MCTP2: variants seen among roughly 807,000 people sequenced by gnomAD.
The protein encoded by MCTP2 is multiple C2 and transmembrane domain containing 2.
A neutral mutation model predicts 111.6 loss-of-function variants in MCTP2; 132 were observed. The observed-to-expected ratio is 1.18, with a 90% CI of 1.03 to 1.37. The LOEUF (loss-of-function observed/expected upper bound fraction) is 1.37. Ranked by LOEUF, MCTP2 falls within the 40% of genes most tolerant of loss-of-function variation. The pLI, the probability that MCTP2 is intolerant of heterozygous loss-of-function variation, is 0.00. For synonymous variants in MCTP2, 395 were observed against 387.7 expected, an observed-to-expected ratio of 1.02 and a Z score of -0.22; for missense variants, 1,183 against 1,067.9, an observed-to-expected ratio of 1.11 and a Z score of -1.50.
intron 4 of MCTP2, among the ~76,000 whole-genome samples, chr15:94,319,725 G>A (rs928138851): frequency 6.6e-6 from 1 of 152,068 alleles, no homozygotes; most frequent in Admixed American, 6.5e-5. Flanking sequence ...TTACCTGTTT[G>A]CTGTCTGTCA....
rs771940417 is a variant in MCTP2 at position 94,434,966 on chromosome 15, C to T, written c.2086-5210C>T. Among the ~76,000 whole-genome samples the T allele has an allele frequency of 3.3e-5, 5 of 151,576 alleles. No homozygotes were observed. The South Asian group carries it at 6.2e-4, about 19-fold the overall frequency. On this transcript the variant is annotated intron_variant, in intron 17 of 22. Transcript: ENST00000357742. Reference sequence around the variant, plus strand: ...GCAACCTCCGCTCCTCGGGTTCAAGCGATTCTCCTGCCTTAGCCTCCCGAG... The same window carrying T: ...GCAACCTCCGCTCCTCGGGTTCAAGTGATTCTCCTGCCTTAGCCTCCCGAG...
At chr15:94,354,677 A>G (rs573938624) in intron 8 of MCTP2, among the ~76,000 whole-genome samples, 1 of 152,258 alleles carries the variant, frequency 6.6e-6, no homozygotes, top group African/African-American at 2.4e-5. Flanking sequence ...GTTTGGGAAT[A>G]TGTGTTTTCT....
At chr15:94,244,279 TATACACATAC>T (rs1344726391) in intron 1 of MCTP2, among the ~76,000 whole-genome samples, 1 of 148,540 alleles carries the variant, frequency 6.7e-6, no homozygotes, top group Non-Finnish European at 1.5e-5. Flanking sequence ...TACACACATA[TATACACATAC>T]ATATGTGTAT....
At chr15:94,303,107 A>AG (rs2075714352) in intron 2 of MCTP2, among the ~76,000 whole-genome samples, 7 of 132,216 alleles carry the variant, frequency 5.3e-5, no homozygotes, top group African/African-American at 2.1e-4. Context: ...TAGTTTATAT[A>AG]TATATATAGT....
rs139198979 is a variant in MCTP2, at chr15:94,388,009, T to C, written c.1788+2484T>C. 5.3e-3 allele frequency among the ~76,000 whole-genome samples: 814 copies of C among 152,208 alleles called. 11 individuals carry two copies. Among genetic ancestry groups the C allele is most frequent in the African/African-American group, 0.019 (779 of 41,530 alleles). ...AGTATAGATTGATCAAGTGTGCCTG[T>C]GGCGAACAGGAAAGGACACAGAGGT... On this transcript the variant is annotated intron_variant, in intron 14 of 22. Transcript: ENST00000357742.
chr15:94,426,489 G>A (rs1286083557), intron 17 of MCTP2, among the ~76,000 whole-genome samples: 1 of 151,838 alleles, frequency 6.6e-6, no homozygotes, highest in Non-Finnish European at 1.5e-5. Context: ...TGCTTGATCT[G>A]TTCCACTGTT....
chr15:94,361,084 G>GC (rs2078909180), intron 10 of MCTP2, among the ~76,000 whole-genome samples: 1 of 8,400 alleles, frequency 1.2e-4, no homozygotes, highest in Non-Finnish European at 2.6e-4. Flanking sequence ...AATATTTCAA[G>GC]TTTTTTTTTT....
intron 3 of MCTP2, chr15:94,314,947 A>C (rs773237509): frequency 2.8e-6 from 1 of 354,980 alleles, no homozygotes; most frequent in Non-Finnish European, 5.5e-6. Context: ...CCGGGAGAGC[A>C]CTGGACAGAG....
intron 19 of MCTP2, 80 bp downstream of exon 19, chr15:94,443,040 C>A: frequency 8.1e-6 from 8 of 991,038 alleles, no homozygotes; most frequent in South Asian, 1.8e-5. Flanking sequence ...TTGAGTCTCT[C>A]TCCTCTCTTT....
intron 20 of MCTP2, among the ~76,000 whole-genome samples, chr15:94,467,341 T>G (rs1265955057): frequency 2.0e-5 from 3 of 152,058 alleles, no homozygotes; most frequent in Non-Finnish European, 2.9e-5. Flanking sequence ...GTCTCCACTT[T>G]AAAAAAAATT....
intron 12 of MCTP2, among the ~76,000 whole-genome samples, chr15:94,380,716 C>A: frequency 6.7e-6 from 1 of 150,352 alleles, no homozygotes; most frequent in East Asian, 2.0e-4. Flanking sequence ...TGCAGTGAAC[C>A]AAAATCACAC....
intron 12 of MCTP2, among the ~76,000 whole-genome samples, chr15:94,370,893 A>G (rs1236862514): frequency 6.6e-6 from 1 of 152,210 alleles, no homozygotes; most frequent in Non-Finnish European, 1.5e-5. Context: ...AGAGTATTCT[A>G]CAGCATGGTT....
At chr15:94,438,308 A>AT (rs1164905328) in intron 17 of MCTP2, among the ~76,000 whole-genome samples, 1 of 152,116 alleles carries the variant, frequency 6.6e-6, no homozygotes, top group Non-Finnish European at 1.5e-5. Context: ...GAACATTTTT[A>AT]TTTTGTTATT....
intron 1 of MCTP2, among the ~76,000 whole-genome samples, chr15:94,245,190 A>ATATG (rs1354142392): frequency 6.9e-6 from 1 of 144,508 alleles, no homozygotes; most frequent in Non-Finnish European, 1.5e-5. Flanking sequence ...TTATACACAC[A>ATATG]TATGTATGTA....
chr15:94,343,958 G>A (rs555406323), intron 7 of MCTP2: 14 of 151,716 alleles, frequency 9.2e-5, no homozygotes, highest in South Asian at 2.1e-4. Flanking sequence ...TATCAAATGC[G>A]TTCCTATGTG....
intron 18 of MCTP2, among the ~76,000 whole-genome samples, chr15:94,442,318 C>T (rs2083828194): frequency 6.6e-6 from 1 of 152,230 alleles, no homozygotes; most frequent in Non-Finnish European, 1.5e-5. Flanking sequence ...GTTAGCAGTA[C>T]AGCTGGTGCT....
chr15:94,472,858 A>G (rs1378377707), intron 21 of MCTP2, among the ~76,000 whole-genome samples: 3 of 152,204 alleles, frequency 2.0e-5, no homozygotes, highest in Non-Finnish European at 2.9e-5. Flanking sequence ...AGCATAGGGC[A>G]GGACATTATT....
At chr15:94,452,406 G>C (rs1171931235) in intron 19 of MCTP2, among the ~76,000 whole-genome samples, 2 of 152,152 alleles carry the variant, frequency 1.3e-5, no homozygotes, top group Non-Finnish European at 2.9e-5. Flanking sequence ...CTTAGGAAGA[G>C]GATTCACAAA....
intron 17 of MCTP2, among the ~76,000 whole-genome samples, chr15:94,438,330 C>T (rs879406804): frequency 2.0e-5 from 3 of 151,860 alleles, no homozygotes; most frequent in Non-Finnish European, 4.4e-5. Flanking sequence ...CTAATATATA[C>T]CTAAGGTGCC....
Sources: gnomAD v4.1 joint callset for allele counts (sites outside exome capture counted in the v4.1 genomes callset) on GRCh38, gnomAD v4.1.1 for gene constraint, MANE v1.5 for transcripts, NCBI Gene and HGNC (gene_info 2026-07-23, HGNC 2026-07-21) for gene names.